The following SLC11A2 variants were observed in gnomAD, a reference collection of about 807,000 sequenced individuals.
SLC11A2 encodes solute carrier family 11 member 2, also known as natural resistance-associated macrophage protein 2.
A neutral mutation model predicts 68.0 loss-of-function variants in SLC11A2; 38 were observed. The observed-to-expected ratio is 0.56, with a 90% confidence interval of 0.43 to 0.73. The LOEUF (loss-of-function observed/expected upper bound fraction) is 0.73, where lower values mean the gene tolerates loss of function less well. Ranked by LOEUF, SLC11A2 falls within the 30% of genes least tolerant of loss-of-function variation. SLC11A2 has a pLI of 0.00. For synonymous variants in SLC11A2, 242 were observed against 250.6 expected (o/e 0.97, Z 0.32); for missense variants, 517 against 690.5 (o/e 0.75, Z 2.82).
At chr12:51,007,269 G>A (rs1408268444) in intron 3 of SLC11A2, among the ~76,000 whole-genome samples, 5 of 152,066 alleles carry the variant, frequency 3.3e-5, no homozygotes, top group Admixed American at 1.3e-4. Flanking sequence ...GCTGTGTCAC[G>A]GGCCTTGGTC....
downstream of SLC11A2, among the ~76,000 whole-genome samples, chr12:50,976,610 C>A (rs1939852233): frequency 6.6e-6 from 1 of 152,208 alleles, no homozygotes; most frequent in African/African-American, 2.4e-5. Flanking sequence ...CCTCTCTCAC[C>A]ACTCCTATTC....
At chr12:51,011,259 G>A (rs1255042930) in intron 1 of SLC11A2, among the ~76,000 whole-genome samples, 3 of 151,724 alleles carry the variant, frequency 2.0e-5, no homozygotes, top group African/African-American at 7.3e-5. Flanking sequence ...CTCCCGAGTA[G>A]CTGGGATTAC....
chr12:50,958,904 C>G, the SLC11A2 span, among the ~76,000 whole-genome samples: 2 of 151,484 alleles, frequency 1.3e-5, no homozygotes, highest in Non-Finnish European at 2.9e-5. Context: ...GTAATCCCAG[C>G]TACTAGGGAG....
chr12:50,994,809 C>T, intron 10 of SLC11A2, 179 bp from the exon 11 acceptor site: 1 of 542,948 alleles, frequency 1.8e-6, no homozygotes, highest in Non-Finnish European at 3.3e-6. Context: ...CCTCTATAAT[C>T]CTTCTACACC....
chr12:50,972,201 C>G, the SLC11A2 span, among the ~76,000 whole-genome samples: 3 of 152,156 alleles, frequency 2.0e-5, no homozygotes, highest in Admixed American at 2.0e-4. Flanking sequence ...AAATATTCTA[C>G]CTTCTCAATA....
intron 1 of SLC11A2, among the ~76,000 whole-genome samples, chr12:51,021,995 C>T (rs1453127603): frequency 6.6e-6 from 1 of 152,154 alleles, no homozygotes; most frequent in East Asian, 1.9e-4. Flanking sequence ...CAACTCTTCA[C>T]CTTCTCCCAT....
intron 3 of SLC11A2, chr12:51,008,223 C>CAGATAGATAGATAGAT (rs10602867): frequency 1.4e-5 from 5 of 359,584 alleles, no homozygotes; most frequent in African/African-American, 4.5e-5. Flanking sequence ...ATTAGATAGA[C>CAGATAGATAGATAGAT]AGATAGATAG....
rs1485293323 is a variant in SLC11A2 at position 51,010,720 on chromosome 12, C to T, written c.9G>A (p.Leu3=). The change falls in exon 2 of 16, where the codon CTG becomes CTA. Residue 3 remains leucine, a synonymous_variant. Coordinates refer to ENST00000262052, the MANE Select transcript of SLC11A2 (RefSeq NM_000617.3). MV[L]GPEQKMSDDS... is the part of the protein sequence containing the mutation. ...CATCTGACATCTTCTGTTCAGGACC[C>T]AGCACCATGGTGGATACCTGAGTGG... 1 of 1,604,320 alleles carries T rather than the reference C, an allele frequency of 6.2e-7. No individual in the cohort carries two copies. Among genetic ancestry groups the T allele is most frequent in the Admixed American group, 1.7e-5 (1 of 59,944 alleles).
rs181453242 is a variant in SLC11A2 at position 51,019,891 on chromosome 12, C to T, written c.-39+6419G>A. ...AACTCCTGGGGTCAAAGGATCCATC[C>T]ACCTCAGCCTTCCAAAGTGCTGGGA... is the stretch of plus-strand genomic sequence containing the variant. On this transcript the variant is annotated intron_variant, in intron 1 of 15. Transcript: ENST00000262052. 3.3e-5 allele frequency among the ~76,000 whole-genome samples: 5 copies of T among 152,068 alleles called. No homozygotes were observed. In the East Asian group the frequency reaches 7.8e-4, roughly 24 times the overall value.
At chr12:51,020,975 C>G (rs1019819874) in intron 1 of SLC11A2, among the ~76,000 whole-genome samples, 3 of 152,080 alleles carry the variant, frequency 2.0e-5, no homozygotes, top group African/African-American at 7.2e-5. Context: ...CCTGTAGTCC[C>G]AACTACTCAG....
At chr12:51,009,997 C>T (rs1943068290) in intron 2 of SLC11A2, among the ~76,000 whole-genome samples, 1 of 151,944 alleles carries the variant, frequency 6.6e-6, no homozygotes. Flanking sequence ...CCCTGACCAA[C>T]ATAGCAAAAC....
chr12:50,960,886 C>A, the SLC11A2 span: 3 of 1,240,402 alleles, frequency 2.4e-6, no homozygotes, highest in Non-Finnish European at 3.3e-6. Context: ...TGCTATGTTG[C>A]CCAGGCTGTT....
chr12:51,001,582 T>TA (rs1942233309), intron 5 of SLC11A2, among the ~76,000 whole-genome samples: 1 of 103,190 alleles, frequency 9.7e-6, no homozygotes, highest in Non-Finnish European at 1.9e-5. Context: ...AAACTTGCTT[T>TA]CACAAAAAAA....
In SLC11A2 at chr12:51,010,722, G is replaced by A; in HGVS notation, c.7C>T (p.Leu3=). 2 of 1,604,444 alleles carry A rather than the reference G, an allele frequency of 1.2e-6. No individual in the cohort carries two copies. The highest frequency in any genetic ancestry group is 2.2e-5 in the South Asian group (2 of 90,870). Residue 3 remains leucine, a synonymous_variant, in exon 2 of 16, where the codon CTG becomes TTG. Transcript: ENST00000262052. MV[L]GPEQKMSDDS... The stretch of plus-strand genomic sequence containing the variant: ...TCTGACATCTTCTGTTCAGGACCCA[G>A]CACCATGGTGGATACCTGAGTGGCT...
downstream of SLC11A2, among the ~76,000 whole-genome samples, chr12:50,976,477 T>C (rs1444162656): frequency 2.6e-5 from 4 of 152,198 alleles, no homozygotes; most frequent in Non-Finnish European, 5.9e-5. Context: ...AAATTAGGTA[T>C]TGATGGGATG....
intron 11 of SLC11A2, 71 bp downstream of exon 11, chr12:50,994,472 CA>C: frequency 1.0e-6 from 1 of 966,070 alleles, no homozygotes. Context: ...GAAGTGAAGT[CA>C]CAAAAAAGAC....
intron 13 of SLC11A2, 113 bp from the exon 14 acceptor site, chr12:50,991,785 A>G (rs1444729558): frequency 1.2e-6 from 1 of 820,772 alleles, no homozygotes. Context: ...TCCATGAGAA[A>G]TAATTATTCC....
chr12:50,974,326 G>A, the SLC11A2 span, among the ~76,000 whole-genome samples: 1 of 152,296 alleles, frequency 6.6e-6, no homozygotes, highest in East Asian at 1.9e-4. Context: ...GAGAGTGGGG[G>A]CCAATATTCA....
the SLC11A2 span, among the ~76,000 whole-genome samples, chr12:50,967,508 C>G: frequency 6.6e-6 from 1 of 152,146 alleles, no homozygotes; most frequent in Non-Finnish European, 1.5e-5. Context: ...AACTCCTGAC[C>G]TCAAGCGAAC....
Sources: gnomAD v4.1 joint callset for allele counts (sites outside exome capture counted in the v4.1 genomes callset) on GRCh38, gnomAD v4.1.1 for gene constraint, MANE v1.5 for transcripts, NCBI Gene and HGNC (gene_info 2026-07-23, HGNC 2026-07-21) for gene names.